The following SLC17A7 variants were observed in gnomAD, a reference collection of about 807,000 sequenced individuals.
The protein encoded by SLC17A7 is solute carrier family 17 member 7.
Under a neutral mutation model 59.1 loss-of-function variants are expected in SLC17A7, and 15 were observed. The ratio of observed to expected loss-of-function variants is 0.25; its 90% CI spans 0.17 to 0.39. The LOEUF (loss-of-function observed/expected upper bound fraction) is 0.39. Among genes scored for constraint, SLC17A7 ranks in the 10% least tolerant of loss-of-function variants. The pLI is 1.00. For missense variants in SLC17A7, 499 were observed against 765.1 expected (o/e 0.65, Z 4.10); for synonymous variants, 353 against 308.9 (o/e 1.14, Z -1.50).
rs2122301912 is a variant in SLC17A7 at position 49,436,403 on chromosome 19, G to A, written c.315+146C>T. ...CCCTAAGGCGAGGTCAGAACTAAGG[G>A]GCGCACGGATTGGGCGGAGCTATTC... On this transcript the variant is annotated intron_variant, in intron 2 of 11. Coordinates refer to ENST00000221485, the MANE Select transcript of SLC17A7 (RefSeq NM_020309.4). The surrounding 1 kb of genome is among the most constrained non-coding windows in gnomAD (Gnocchi z 4.1). The A allele has an allele frequency of 9.1e-7, 1 of 1,094,032 alleles. No individual in the cohort carries two copies. The highest frequency in any genetic ancestry group is 1.3e-6 in the Non-Finnish European group (1 of 770,606). 67.8% of individuals were successfully genotyped at this position (1,094,032 alleles called of 1,614,324 possible).
At position 49,430,706 on chromosome 19, in the gene SLC17A7, T is replaced by C. The variant is rs756672354; in HGVS notation, c.1496A>G (p.Glu499Gly). Residue 499 changes from glutamate to glycine, a missense_variant, in exon 12 of 12, where the codon GAG becomes GGG. By Grantham distance (98) the Glu-to-Gly change is moderately conservative. Around this residue, in one of 3 missense-constraint regions of SLC17A7, gnomAD observed 323 missense variants for 607.2 expected, o/e 0.53. Coordinates refer to ENST00000221485, the MANE Select transcript of SLC17A7 (RefSeq NM_020309.4). ...FASGEKQPWAEPEEMSEEKCG... is the reference protein window; with the variant it reads ...FASGEKQPWAGPEEMSEEKCG... ...CTTCTCCTCGCTCATCTCCTCAGGC[T>C]CTGCCCACGGCTGCTTCTCTCCAGA... is the stretch of plus-strand genomic sequence containing the variant. 2 of 1,614,128 alleles carry C rather than the reference T, an allele frequency of 1.2e-6. No homozygotes were observed. The highest frequency in any genetic ancestry group is 1.7e-6 in the Non-Finnish European group (2 of 1,180,000).
In SLC17A7 at chr19:49,431,179, A is replaced by G. The variant is rs1342523872; in HGVS notation, c.1262-37T>C. ...ACAAGTCGGAAGGCGTCACACCGGAATCTCACTCGAGTGATTCCCACTGGG... is the reference window on the plus strand; with the variant it reads ...ACAAGTCGGAAGGCGTCACACCGGAGTCTCACTCGAGTGATTCCCACTGGG... On this transcript the variant is annotated intron_variant, in intron 10 of 11. Coordinates refer to ENST00000221485, the MANE Select transcript of SLC17A7 (RefSeq NM_020309.4). This position sits in a 1 kb window ranked among gnomAD's most constrained non-coding sequence, Gnocchi z 4.6. 1 of 1,597,986 alleles carries G rather than the reference A, an allele frequency of 6.3e-7. No homozygotes were observed. The highest frequency in any genetic ancestry group is 1.3e-5 in the African/African-American group (1 of 74,584).
chr19:49,439,994 C>A (rs953944168), intron 1 of SLC17A7, among the ~76,000 whole-genome samples: 1 of 151,876 alleles, frequency 6.6e-6, no homozygotes, highest in African/African-American at 2.4e-5. Flanking sequence ...TGAAAGGAGG[C>A]GAGAAAAAGG....
chr19:49,439,936 C>G (rs1365963776), intron 1 of SLC17A7, among the ~76,000 whole-genome samples: 2 of 152,078 alleles, frequency 1.3e-5, no homozygotes, highest in African/African-American at 4.8e-5. Context: ...GTCTCTTTCT[C>G]TCTCTCTCAT....
rs1246596484 is a variant in SLC17A7 at position 49,430,301 on chromosome 19, G to C, written c.*218C>G. 2.1e-6 allele frequency: 1 copy of C among 477,458 alleles called. No individual in the cohort carries two copies. Among genetic ancestry groups the C allele is most frequent in the African/African-American group, 2.0e-5 (1 of 50,110 alleles). 29.6% of individuals were successfully genotyped at this position (477,458 alleles called of 1,614,324 possible). On this transcript the variant is annotated 3_prime_UTR_variant, in exon 12 of 12. Transcript: ENST00000221485. ...GAACGGGTGGAGAGGGAACCTTTAGGGGAATTTGGGTATCCTTGAAACTGT... is the reference window on the plus strand; with the variant it reads ...GAACGGGTGGAGAGGGAACCTTTAGCGGAATTTGGGTATCCTTGAAACTGT...
chr19:49,432,718 G>A (rs529942781), intron 8 of SLC17A7, 67 bp from the exon 9 acceptor site: 18 of 1,605,540 alleles, frequency 1.1e-5, no homozygotes, highest in East Asian at 9.0e-5. Context: ...TGCCCGGTCC[G>A]TGCACCACCG....
rs984554386 is a variant in SLC17A7 at position 49,431,200 on chromosome 19, C to G, written c.1262-58G>C. The stretch of plus-strand genomic sequence containing the variant: ...CGGAATCTCACTCGAGTGATTCCCA[C>G]TGGGACGTTCTCAACCCTCTCCCCT... On this transcript the variant is annotated intron_variant, in intron 10 of 11. Transcript: ENST00000221485. The surrounding 1 kb of genome is among the most constrained non-coding windows in gnomAD (Gnocchi z 4.6). 5 of 1,577,586 alleles carry G rather than the reference C, an allele frequency of 3.2e-6. No homozygotes were observed. Among genetic ancestry groups the G allele is most frequent in the Non-Finnish European group, 4.3e-6 (5 of 1,159,200 alleles).
rs2078970598 is a variant in SLC17A7, at chr19:49,433,919, C to T, written c.724+41G>A. 6.2e-7 allele frequency: 1 copy of T among 1,613,066 alleles called. No individual in the cohort carries two copies. Among genetic ancestry groups the T allele is most frequent in the Non-Finnish European group, 8.5e-7 (1 of 1,179,662 alleles). On this transcript the variant is annotated intron_variant, in intron 6 of 11. Coordinates refer to ENST00000221485, the MANE Select transcript of SLC17A7 (RefSeq NM_020309.4). This position sits in a 1 kb window ranked among gnomAD's most constrained non-coding sequence, Gnocchi z 5.7. ...AGCGAGGTGAGGACCGGCCCCGCTC[C>T]GCCCCAGCGCCACCCGGAACCAGGC...
chr19:49,431,223 C>T lies in SLC17A7; in HGVS notation c.1262-81G>A. ...CACTGGGACGTTCTCAACCCTCTCC[C>T]CTCCCCGCCACTCATGTTCCACCTT... On this transcript the variant is annotated intron_variant, in intron 10 of 11. Transcript: ENST00000221485. This position sits in a 1 kb window ranked among gnomAD's most constrained non-coding sequence, Gnocchi z 4.6. 1 of 1,563,468 alleles carries T rather than the reference C, an allele frequency of 6.4e-7. No homozygotes were observed. The highest frequency in any genetic ancestry group is 2.3e-5 in the East Asian group (1 of 43,984).
In SLC17A7 at chr19:49,436,481, G is replaced by T; in HGVS notation, c.315+68C>A. 1.9e-6 allele frequency: 3 copies of T among 1,572,668 alleles called. No individual in the cohort carries two copies. Among genetic ancestry groups the T allele is most frequent in the South Asian group, 1.2e-5 (1 of 86,848 alleles). The stretch of plus-strand genomic sequence containing the variant: ...TGGACGTCTGGTGGGTGAGTGTGAC[G>T]TCATGGGGGCGTAGGCGGAGCTCGG... On this transcript the variant is annotated intron_variant, in intron 2 of 11. Coordinates refer to ENST00000221485, the MANE Select transcript of SLC17A7 (RefSeq NM_020309.4). This position sits in a 1 kb window ranked among gnomAD's most constrained non-coding sequence, Gnocchi z 4.1.
At position 49,434,616 on chromosome 19, in the gene SLC17A7, G is replaced by T; in HGVS notation, c.623C>A (p.Thr208Lys). 6.2e-7 allele frequency: 1 copy of T among 1,601,706 alleles called. No homozygotes were observed. Among genetic ancestry groups the T allele is most frequent in the Non-Finnish European group, 8.5e-7 (1 of 1,176,854 alleles). Residue 208 changes from threonine (T) to lysine (K), a missense_variant, in exon 5 of 12, where the codon ACG (threonine) becomes AAG (lysine). Thr to Lys is a moderately conservative substitution (Grantham distance 78, BLOSUM62 -1). This residue lies in a region of SLC17A7 where 323 missense variants were observed against 607.2 expected (regional missense o/e 0.53). Coordinates refer to ENST00000221485, the MANE Select transcript of SLC17A7 (RefSeq NM_020309.4). The part of the protein sequence containing the change: ...APPLERSRLA[T>K]TAFCGSYAGA... ...CTTCCTCTCACCACAAAAGGCTGTC[G>T]TCGCCAGGCGACTCCGTTCTAAGGG... is the stretch of plus-strand genomic sequence containing the variant.
intron 3 of SLC17A7, 112 bp from the exon 4 acceptor site, chr19:49,434,994 C>G: frequency 1.8e-6 from 2 of 1,111,988 alleles, no homozygotes; most frequent in Non-Finnish European, 2.7e-6. Context: ...CCAGGTCCCA[C>G]CACCTCTCTG....
chr19:49,439,385 G>A (rs548535041), intron 1 of SLC17A7, among the ~76,000 whole-genome samples: 6 of 152,212 alleles, frequency 3.9e-5, no homozygotes, highest in Admixed American at 3.9e-4. Flanking sequence ...CCAAGACCTG[G>A]CTCTCAGAAA....
rs1431568015 is a variant in SLC17A7, at chr19:49,430,679, C to T, written c.1523G>A (p.Cys508Tyr). Residue 508 changes from cysteine to tyrosine, a missense_variant, in exon 12 of 12, where the codon TGT becomes TAT. Cys to Tyr is a radical substitution (Grantham distance 194). Around this residue, in one of 3 missense-constraint regions of SLC17A7, gnomAD observed 98 missense variants for 77.5 expected, o/e 1.27. Coordinates refer to ENST00000221485, the MANE Select transcript of SLC17A7 (RefSeq NM_020309.4). ...AEPEEMSEEK[C>Y]GFVGHDQLAG... Reference sequence around the variant, plus strand: ...CAGCTGGTCATGGCCAACGAAGCCACACTTCTCCTCGCTCATCTCCTCAGG... The same window carrying T: ...CAGCTGGTCATGGCCAACGAAGCCATACTTCTCCTCGCTCATCTCCTCAGG... 6.2e-7 allele frequency: 1 copy of T among 1,614,178 alleles called. No individual in the cohort carries two copies. Among genetic ancestry groups the T allele is most frequent in the Non-Finnish European group, 8.5e-7 (1 of 1,180,018 alleles).
rs1233025783 is a variant in SLC17A7 at position 49,436,228 on chromosome 19, G to C, written c.315+321C>G. On this transcript the variant is annotated intron_variant, in intron 2 of 11. Coordinates refer to ENST00000221485, the MANE Select transcript of SLC17A7 (RefSeq NM_020309.4). This position sits in a 1 kb window ranked among gnomAD's most constrained non-coding sequence, Gnocchi z 4.1. ...GGACATGAGCTTGGGGTACAGGCGT[G>C]AGCAAAATTGCTAGTAGGTCCAAAA... The C allele has an allele frequency of 4.1e-5, 17 of 411,192 alleles. No individual in the cohort carries two copies. The East Asian group carries it at 6.7e-4, about 16-fold the overall frequency. 25.5% of individuals were successfully genotyped at this position (411,192 alleles called of 1,614,324 possible).
In SLC17A7 at chr19:49,433,046, G is replaced by A. The variant is rs1243427195; in HGVS notation, c.868-86C>T. ...CCTTCAGGGACCACAGTGTAGTTCT[G>A]CAGAAACCAAAGGATCCCGACCGCA... On this transcript the variant is annotated intron_variant, in intron 7 of 11. Transcript: ENST00000221485. This position sits in a 1 kb window ranked among gnomAD's most constrained non-coding sequence, Gnocchi z 5.7. The A allele has an allele frequency of 1.4e-6, 2 of 1,385,962 alleles. No homozygotes were observed. Among genetic ancestry groups the A allele is most frequent in the African/African-American group, 1.4e-5 (1 of 69,508 alleles). 85.9% of individuals were successfully genotyped at this position (1,385,962 alleles called of 1,614,324 possible).
chr19:49,440,724 A>C (rs1041259581), intron 1 of SLC17A7, among the ~76,000 whole-genome samples: 17 of 152,202 alleles, frequency 1.1e-4, no homozygotes, highest in African/African-American at 3.9e-4. Context: ...AGAGACGGAG[A>C]GACCCATGGT....
intron 9 of SLC17A7, among the ~76,000 whole-genome samples, chr19:49,432,158 CTGT>C (rs2078963139): frequency 2.0e-5 from 3 of 152,204 alleles, no homozygotes; most frequent in African/African-American, 7.2e-5. Flanking sequence ...CCCTAGGACC[CTGT>C]CTCTCCAGGT....
At chr19:49,435,327 G>C (rs766447108) in intron 2 of SLC17A7, 41 bp from the exon 3 acceptor site, 2 of 1,457,242 alleles carry the variant, frequency 1.4e-6, no homozygotes, top group African/African-American at 2.8e-5. Context: ...GCCCTGTCCA[G>C]GCTCTGCCGC....
Sources: allele counts gnomAD v4.1 joint callset (sites outside exome capture counted in the v4.1 genomes callset), GRCh38; gene constraint gnomAD v4.1.1; regional missense constraint gnomAD v4.1.1; non-coding constraint Gnocchi (gnomAD v3.1); transcripts MANE v1.5; gene names NCBI Gene and HGNC (gene_info 2026-07-23, HGNC 2026-07-21).